Variants in USP13 observed in about 807,000 individuals in gnomAD.
USP13 encodes ubiquitin carboxyl-terminal hydrolase 13.
USP13 carries 68 observed loss-of-function variants against 107.8 expected under a neutral mutation model. The observed-to-expected ratio is 0.63, with a 90% CI of 0.52 to 0.77. USP13 has a LOEUF of 0.77. Among genes scored for constraint, USP13 ranks in the 30% least tolerant of loss-of-function variants. The pLI is 0.00. For missense variants in USP13, 945 were observed against 1,093.3 expected (o/e 0.86, Z 1.91); for synonymous variants, 377 against 389.5 (o/e 0.97, Z 0.38).
At chr3:179,761,294 G>A in intron 17 of USP13, 39 bp downstream of exon 17, 1 of 1,610,870 alleles carries the variant, frequency 6.2e-7, no homozygotes. Context: ...GGAGTCTGAT[G>A]TGACCCTCAG....
At chr3:179,735,100 A>G (rs1025864) in intron 10 of USP13, among the ~76,000 whole-genome samples, 119,934 of 152,164 alleles carry the variant, frequency 0.79, 47,657 homozygotes, top group East Asian at 0.93. Context: ...AATATGACAG[A>G]TTCCTTAGTT....
chr3:179,727,978 C>A lies in USP13; in HGVS notation c.1089-2211C>A, dbSNP rs1560064825. Among the ~76,000 whole-genome samples, 2 of 58,314 alleles carry A rather than the reference C, an allele frequency of 3.4e-5. 1 individual carries two copies. Among genetic ancestry groups the A allele is most frequent in the Non-Finnish European group, 8.5e-5 (2 of 23,528 alleles). The allele number at this position is 58,314 out of a possible 152,430, so 38.3% of individuals were successfully genotyped here. A position where few individuals can be genotyped will look rare whatever the true frequency, so the allele number is the denominator to read the frequency against. Reference sequence around the variant, plus strand: ...GGCGGCTGGCTGGGCGGGGGGCTGACCCCCCCACCTCCCTCCCAGACGGGG... The same window carrying A: ...GGCGGCTGGCTGGGCGGGGGGCTGAACCCCCCACCTCCCTCCCAGACGGGG... On this transcript the variant is annotated intron_variant, in intron 8 of 20. Transcript: ENST00000263966.
At position 179,711,376 on chromosome 3, in the gene USP13, G is replaced by T. The variant is rs193302757; in HGVS notation, c.805+2419G>T. Among the ~76,000 whole-genome samples, 18 of 152,066 alleles carry T rather than the reference G, an allele frequency of 1.2e-4. No homozygotes were observed. In the East Asian group the frequency reaches 2.1e-3, roughly 18 times the overall value. On this transcript the variant is annotated intron_variant, in intron 6 of 20. Transcript: ENST00000263966. The stretch of plus-strand genomic sequence containing the variant: ...TGGGAGGTGCCCCAACCACGCCCAG[G>T]TAATTTTTGTATTTTTAGTAGAGAT...
At chr3:179,667,527 A>T (rs1190837473) in intron 1 of USP13, among the ~76,000 whole-genome samples, 2 of 152,186 alleles carry the variant, frequency 1.3e-5, no homozygotes, top group Non-Finnish European at 2.9e-5. Flanking sequence ...TCGTATGCCG[A>T]TGGTTTCCAT....
At chr3:179,723,833 GC>G (rs1431355631) in intron 8 of USP13, among the ~76,000 whole-genome samples, 1 of 152,066 alleles carries the variant, frequency 6.6e-6, no homozygotes, top group Non-Finnish European at 1.5e-5. Context: ...AGATTCAGGA[GC>G]AGTGTCTTCA....
chr3:179,747,753 C>T (rs146852796), intron 13 of USP13, among the ~76,000 whole-genome samples: 2 of 152,160 alleles, frequency 1.3e-5, no homozygotes, highest in East Asian at 1.9e-4. Flanking sequence ...CCCAGTGATT[C>T]CATCTGTAAT....
intron 1 of USP13, among the ~76,000 whole-genome samples, chr3:179,656,947 A>G (rs966083791): frequency 6.6e-6 from 1 of 152,184 alleles, no homozygotes; most frequent in Non-Finnish European, 1.5e-5. Flanking sequence ...AGGATAAAAC[A>G]TATGGGAAAT....
intron 1 of USP13, among the ~76,000 whole-genome samples, chr3:179,659,773 T>G (rs1720402306): frequency 6.6e-6 from 1 of 152,176 alleles, no homozygotes; most frequent in Non-Finnish European, 1.5e-5. Flanking sequence ...GCGCGGTGGC[T>G]CACACCTGTA....
intron 4 of USP13, 70 bp from the exon 5 acceptor site, chr3:179,706,864 T>A (rs1056824483): frequency 1.4e-6 from 2 of 1,476,266 alleles, no homozygotes; most frequent in African/African-American, 2.8e-5. Flanking sequence ...TCTAGTGAAT[T>A]TGCTATTCAC....
chr3:179,665,137 A>G (rs1159451944), intron 1 of USP13, among the ~76,000 whole-genome samples: 1 of 152,186 alleles, frequency 6.6e-6, no homozygotes, highest in Non-Finnish European at 1.5e-5. Flanking sequence ...GTGTTAGTTA[A>G]CAAGTGTTAA....
chr3:179,777,972 G>A lies in USP13; in HGVS notation c.2414-3767G>A, dbSNP rs568538874. On this transcript the variant is annotated intron_variant, in intron 19 of 20. Coordinates refer to ENST00000263966, the MANE Select transcript of USP13 (RefSeq NM_003940.3). ...TCTTAGTGTGGGAGACAGAACTGGAGGGCAGACAAGGGTAAGGTGCCTGGA... is the reference window on the plus strand; with the variant it reads ...TCTTAGTGTGGGAGACAGAACTGGAAGGCAGACAAGGGTAAGGTGCCTGGA... Among the ~76,000 whole-genome samples, 4 of 152,276 alleles carry A rather than the reference G, an allele frequency of 2.6e-5. No homozygotes were observed. In the South Asian group the frequency reaches 6.2e-4, roughly 24 times the overall value.
chr3:179,778,942 G>A (rs1372925205), intron 19 of USP13, among the ~76,000 whole-genome samples: 1 of 152,122 alleles, frequency 6.6e-6, no homozygotes, highest in Non-Finnish European at 1.5e-5. Flanking sequence ...TTGGACCTGA[G>A]ATCTCAATGA....
Position 179,742,262 on chromosome 3 carries a change from G to A in USP13, c.1446G>A (p.Gln482=). 1 of 1,614,238 alleles carries A rather than the reference G, an allele frequency of 6.2e-7. No individual in the cohort carries two copies. The highest frequency in any genetic ancestry group is 8.5e-7 in the Non-Finnish European group (1 of 1,180,052). Residue 482 remains glutamine (Q), a synonymous_variant, in exon 12 of 21, where the codon CAG becomes CAA. Transcript: ENST00000263966. The surrounding 1 kb of genome is among the most constrained non-coding windows in gnomAD (Gnocchi z 5.0). ...GTTTTTTGGTGGAAGAACGCATTCA[G>A]TGCTGTCAGACCCGGAAAGTCCGCT... ...VFRFLVEERI[Q]CCQTRKVRYT...
At chr3:179,750,294 A>G (rs1197081350) in intron 13 of USP13, among the ~76,000 whole-genome samples, 1 of 128,362 alleles carries the variant, frequency 7.8e-6, no homozygotes, top group Non-Finnish European at 1.5e-5. Context: ...ATAAATATAT[A>G]TATGTGTGTG....
chr3:179,728,285 G>T (rs1713640135), intron 8 of USP13, among the ~76,000 whole-genome samples: 1 of 150,534 alleles, frequency 6.6e-6, no homozygotes, highest in African/African-American at 2.4e-5. Context: ...GCCGGGCGGA[G>T]GGTCTCCTCA....
At chr3:179,776,907 G>T (rs1295311253) in intron 19 of USP13, among the ~76,000 whole-genome samples, 2 of 121,752 alleles carry the variant, frequency 1.6e-5, no homozygotes, top group South Asian at 5.9e-4. Flanking sequence ...TGGGAACTTA[G>T]AGAAGAATCA....
chr3:179,658,444 C>T (rs1355978091), intron 1 of USP13, among the ~76,000 whole-genome samples: 2 of 152,160 alleles, frequency 1.3e-5, no homozygotes, highest in Non-Finnish European at 2.9e-5. Flanking sequence ...CTGCCCCCCT[C>T]CCCACCTGCA....
At chr3:179,774,438 G>C (rs114500723) in intron 19 of USP13, among the ~76,000 whole-genome samples, 1 of 152,160 alleles carries the variant, frequency 6.6e-6, no homozygotes, top group Non-Finnish European at 1.5e-5. Flanking sequence ...TCTTCTGCTG[G>C]GTTCCTGGTC....
intron 4 of USP13, among the ~76,000 whole-genome samples, chr3:179,704,056 GAT>G: frequency 6.6e-6 from 1 of 152,234 alleles, no homozygotes; most frequent in African/African-American, 2.4e-5. Flanking sequence ...CATCACTTGA[GAT>G]AACATATCCA....
Sources: allele counts gnomAD v4.1 joint callset (sites outside exome capture counted in the v4.1 genomes callset), GRCh38; gene constraint gnomAD v4.1.1; non-coding constraint Gnocchi (gnomAD v3.1); transcripts MANE v1.5; gene names NCBI Gene and HGNC (gene_info 2026-07-23, HGNC 2026-07-21).